PCDHGA5: variants seen among roughly 807,000 people sequenced by gnomAD.
PCDHGA5 encodes the protein protocadherin gamma subfamily A, 5.
Under a neutral mutation model 56.7 loss-of-function variants are expected in PCDHGA5, and 36 were observed. The observed-to-expected ratio is 0.64, with a 90% CI of 0.49 to 0.84. PCDHGA5 has a LOEUF of 0.84. PCDHGA5 is among the 40% of genes least tolerant of loss of function. PCDHGA5 has a pLI of 0.00. For missense variants in PCDHGA5, 1,305 were observed against 1,201.5 expected (o/e 1.09, Z -1.27); for synonymous variants, 563 against 520.2 (o/e 1.08, Z -1.12).
intron 1 of PCDHGA5, chr5:141,375,531 A>G: frequency 1.2e-6 from 2 of 1,614,040 alleles, no homozygotes; most frequent in Non-Finnish European, 1.7e-6. Context: ...GACGTGGACC[A>G]GAACGCCCAA....
intron 1 of PCDHGA5, chr5:141,423,202 G>T: frequency 6.2e-7 from 1 of 1,613,618 alleles, no homozygotes; most frequent in Non-Finnish European, 8.5e-7. Flanking sequence ...CTCGGCCACC[G>T]TCACGCTCAC....
chr5:141,365,825 G>A lies in PCDHGA5; in HGVS notation c.1495G>A (p.Ala499Thr), dbSNP rs772088278. ...YSLAEDTFQG[A>T]PLSSYVSINS... ...CCTGGCTGAAGACACATTTCAGGGG[G>A]CGCCCTTGTCCTCCTATGTATCCAT... Residue 499 changes from alanine (A) to threonine (T), a missense_variant, in exon 1 of 4, where the codon GCG becomes ACG. Transcript: ENST00000518069. 6.2e-7 allele frequency: 1 copy of A among 1,613,942 alleles called. No individual in the cohort carries two copies. Among genetic ancestry groups the A allele is most frequent in the South Asian group, 1.1e-5 (1 of 91,088 alleles).
At chr5:141,367,886 C>T (rs976689634) in intron 1 of PCDHGA5, 1 of 151,934 alleles carries the variant, frequency 6.6e-6, no homozygotes, top group Non-Finnish European at 1.5e-5. Context: ...TTCTTTATTA[C>T]TTGAGTTTAA....
At chr5:141,375,610 C>T (rs748991083) in intron 1 of PCDHGA5, 1 of 1,614,224 alleles carries the variant, frequency 6.2e-7, no homozygotes, top group South Asian at 1.1e-5. Flanking sequence ...CCATCAACTC[C>T]GACACTGGGA....
At chr5:141,421,320 G>C (rs1561793188) in intron 1 of PCDHGA5, 1 of 1,613,904 alleles carries the variant, frequency 6.2e-7, no homozygotes, top group East Asian at 2.2e-5. Flanking sequence ...GGGCCAGGCA[G>C]ATCCGATATT....
Position 141,486,734 on chromosome 5 carries a change from C to A in PCDHGA5, c.2422-8073C>A. ...CCAGACAGGAGCTGTTCATGCTACT[C>A]GATCCTTTGACTATGAGCAAACCCA... On this transcript the variant is annotated intron_variant, in intron 1 of 3. Transcript: ENST00000518069. The surrounding 1 kb of genome is among the most constrained non-coding windows in gnomAD (Gnocchi z 5.0). The A allele has an allele frequency of 1.2e-6, 2 of 1,614,188 alleles. No homozygotes were observed. Among genetic ancestry groups the A allele is most frequent in the Non-Finnish European group, 1.7e-6 (2 of 1,180,040 alleles).
intron 1 of PCDHGA5, chr5:141,399,913 C>T: frequency 2.5e-6 from 4 of 1,612,372 alleles, no homozygotes; most frequent in Non-Finnish European, 3.4e-6. Context: ...AGACTCAGGA[C>T]ACAACGCCTG....
At position 141,491,960 on chromosome 5, in the gene PCDHGA5, A is replaced by T. The variant is rs1380758016; in HGVS notation, c.2422-2847A>T. The T allele has an allele frequency of 1.0e-6, 1 of 984,842 alleles. No individual in the cohort carries two copies. The highest frequency in any genetic ancestry group is 3.0e-5 in the East Asian group (1 of 33,312). 61.0% of individuals were successfully genotyped at this position (984,842 alleles called of 1,614,324 possible). A position where few individuals can be genotyped will look rare whatever the true frequency, so the allele number is the denominator to read the frequency against. On this transcript the variant is annotated intron_variant, in intron 1 of 3. Coordinates refer to ENST00000518069, the MANE Select transcript of PCDHGA5 (RefSeq NM_018918.3). The surrounding 1 kb of genome is among the most constrained non-coding windows in gnomAD (Gnocchi z 6.9). ...CGACCCCCACCCCTACACTCAAAAA[A>T]GGCCGGGGCCTCCTTCGAGCTTCCG...
At chr5:141,430,313 G>A (rs1018901791) in intron 1 of PCDHGA5, among the ~76,000 whole-genome samples, 1 of 150,204 alleles carries the variant, frequency 6.7e-6, no homozygotes, top group South Asian at 2.1e-4. Context: ...AACATTATAA[G>A]ATTAAAATCA....
chr5:141,423,877 C>A, intron 1 of PCDHGA5: 1 of 1,283,890 alleles, frequency 7.8e-7, no homozygotes, highest in Non-Finnish European at 9.9e-7. Flanking sequence ...ATTTTTCAAT[C>A]TTGGCATATT....
intron 1 of PCDHGA5, chr5:141,376,412 G>A (rs1772658839): frequency 1.9e-6 from 3 of 1,614,164 alleles, no homozygotes; most frequent in African/African-American, 1.3e-5. Context: ...CAACTATGCC[G>A]ACACGCTTAT....
chr5:141,398,286 C>T (rs1338652897), intron 1 of PCDHGA5: 1 of 1,395,846 alleles, frequency 7.2e-7, no homozygotes, highest in South Asian at 1.3e-5. Context: ...TCGCCACGGA[C>T]CTGGGGTTCA....
intron 1 of PCDHGA5, among the ~76,000 whole-genome samples, chr5:141,494,361 G>A (rs1311268562): frequency 6.6e-6 from 1 of 152,184 alleles, no homozygotes; most frequent in African/African-American, 2.4e-5. Flanking sequence ...TGCTGCAGAG[G>A]ATGCTTTGTT....
intron 2 of PCDHGA5, among the ~76,000 whole-genome samples, chr5:141,499,984 G>A (rs1350203006): frequency 6.6e-6 from 1 of 151,872 alleles, no homozygotes; most frequent in East Asian, 1.9e-4. Context: ...CACCTTGCCC[G>A]GCCAGATGAT....
intron 1 of PCDHGA5, among the ~76,000 whole-genome samples, chr5:141,434,700 G>A (rs1041657389): frequency 6.6e-6 from 1 of 151,780 alleles, no homozygotes; most frequent in Non-Finnish European, 1.5e-5. Context: ...TAATAAATAT[G>A]TGGGTAAATC....
intron 1 of PCDHGA5, among the ~76,000 whole-genome samples, chr5:141,448,831 G>C (rs985602153): frequency 4.6e-5 from 7 of 152,096 alleles, no homozygotes; most frequent in Non-Finnish European, 7.4e-5. Flanking sequence ...TGTAGTCCCA[G>C]CTACTCTGGA....
chr5:141,471,036 C>A (rs1437409726), intron 1 of PCDHGA5, among the ~76,000 whole-genome samples: 1 of 144,908 alleles, frequency 6.9e-6, no homozygotes, highest in Admixed American at 7.0e-5. Context: ...TATTAACAAG[C>A]CCAAGCCCTC....
Position 141,410,699 on chromosome 5 carries a change from A to C in PCDHGA5, c.2421+43948A>C, listed in dbSNP as rs760193148. On this transcript the variant is annotated intron_variant, in intron 1 of 3. Transcript: ENST00000518069. ...ATTTTAGGCATACTACTTTATTTTC[A>C]TATCTAGAATCATATGTTTAAAATC... The C allele has an allele frequency of 2.0e-6, 3 of 1,478,344 alleles. No homozygotes were observed. In the South Asian group the frequency reaches 4.0e-5, roughly 20 times the overall value. The allele number at this position is 1,478,344 out of a possible 1,614,324, so 91.6% of individuals were successfully genotyped here. A position where few individuals can be genotyped will look rare whatever the true frequency, so the allele number is the denominator to read the frequency against.
At position 141,409,348 on chromosome 5, in the gene PCDHGA5, C is replaced by T. The variant is rs115471135; in HGVS notation, c.2421+42597C>T. The T allele has an allele frequency of 4.7e-4, 755 of 1,614,018 alleles. 4 individuals carry two copies. The African/African-American group carries it at 8.3e-3, about 18-fold the overall frequency. On this transcript the variant is annotated intron_variant, in intron 1 of 3. Coordinates refer to ENST00000518069, the MANE Select transcript of PCDHGA5 (RefSeq NM_018918.3). Reference sequence around the variant, plus strand: ...TGGATTTCGGAGGAAATGGAGAAGTCAGGTGTAATATAGAAACAGACATTC... The same window carrying T: ...TGGATTTCGGAGGAAATGGAGAAGTTAGGTGTAATATAGAAACAGACATTC...
Sources: allele counts gnomAD v4.1 joint callset (sites outside exome capture counted in the v4.1 genomes callset), GRCh38; gene constraint gnomAD v4.1.1; non-coding constraint Gnocchi (gnomAD v3.1); transcripts MANE v1.5; gene names NCBI Gene and HGNC (gene_info 2026-07-23, HGNC 2026-07-21).